Variants in RGS13 observed in about 807,000 individuals in gnomAD.
RGS13 encodes the protein regulator of G-protein signalling 13.
RGS13 carries 14 observed loss-of-function variants against 19.9 expected under a neutral mutation model. That is an observed-to-expected ratio of 0.70 (90% CI 0.46 to 1.10). The LOEUF (loss-of-function observed/expected upper bound fraction) is 1.10. RGS13 is among the 50% of genes least tolerant of loss of function. RGS13 has a pLI of 0.00. For synonymous variants in RGS13, 60 were observed against 56.8 expected (o/e 1.06, Z -0.25); for missense variants, 205 against 187.1 (o/e 1.10, Z -0.56).
At chr1:192,654,630 C>A (rs891393029) in intron 5 of RGS13, among the ~76,000 whole-genome samples, 1 of 151,978 alleles carries the variant, frequency 6.6e-6, no homozygotes, top group Non-Finnish European at 1.5e-5. Flanking sequence ...GGTACTGCAA[C>A]GTAGTGCACC....
intron 5 of RGS13, among the ~76,000 whole-genome samples, chr1:192,656,306 C>T (rs560574678): frequency 9.9e-5 from 15 of 151,544 alleles, no homozygotes; most frequent in Middle Eastern, 3.5e-3. Context: ...ATATTGGCTT[C>T]CAACTTTACT....
chr1:192,654,013 A>C (rs908039181), intron 5 of RGS13, among the ~76,000 whole-genome samples: 8 of 151,922 alleles, frequency 5.3e-5, no homozygotes, highest in Admixed American at 5.3e-4. Flanking sequence ...ATGACGAGTT[A>C]ATGGGTGCAG....
chr1:192,659,529 A>G lies in RGS13; in HGVS notation c.*6A>G, dbSNP rs773411915. The G allele has an allele frequency of 3.1e-6, 5 of 1,595,414 alleles. No individual in the cohort carries two copies. The highest frequency in any genetic ancestry group is 3.5e-5 in the Admixed American group (2 of 56,696). ...AGTCCAACAACAGTTTCTGACTACA[A>G]CTCAAAAGTTTAAATAGAAAACAGT... On this transcript the variant is annotated 3_prime_UTR_variant, in exon 7 of 7. Transcript: ENST00000391995.
chr1:192,647,925 G>C lies in RGS13; in HGVS notation c.66-1G>C, dbSNP rs1311502933. 1 of 1,586,668 alleles carries C rather than the reference G, an allele frequency of 6.3e-7. No individual in the cohort carries two copies. The highest frequency in any genetic ancestry group is 8.6e-7 in the Non-Finnish European group (1 of 1,165,486). ...TCAGTGCTTTTTGTTTCTTTTCAAA[G>C]CCTTACTTTGGAGGAAGTATTACAG... On this transcript the variant is annotated splice_acceptor_variant, in intron 4 of 6. Transcript: ENST00000391995. LOFTEE classifies it high-confidence loss of function.
chr1:192,658,194 C>T lies in RGS13; in HGVS notation c.128-7C>T, dbSNP rs1256650864. On this transcript the variant is annotated splice_polypyrimidine_tract_variant and splice_region_variant and intron_variant, in intron 5 of 6. Transcript: ENST00000391995. Reference sequence around the variant, plus strand: ...TGAAAATAAACTGATTTCTCCTCTACTTTTAGATGGTCCAGTAGTCTATGC... The same window carrying T: ...TGAAAATAAACTGATTTCTCCTCTATTTTTAGATGGTCCAGTAGTCTATGC... The T allele has an allele frequency of 6.3e-7, 1 of 1,591,432 alleles. No homozygotes were observed. The highest frequency in any genetic ancestry group is 1.1e-5 in the South Asian group (1 of 87,042).
At chr1:192,658,428 T>C in intron 6 of RGS13, 61 bp downstream of exon 6, 3 of 1,501,748 alleles carry the variant, frequency 2.0e-6, no homozygotes, top group Non-Finnish European at 2.7e-6. Flanking sequence ...CATTAATATC[T>C]GTCAAGCATC....
At chr1:192,643,035 A>AT (rs1263148232) in intron 3 of RGS13, among the ~76,000 whole-genome samples, 1 of 151,388 alleles carries the variant, frequency 6.6e-6, no homozygotes, top group Non-Finnish European at 1.5e-5. Flanking sequence ...AATTTTTTTT[A>AT]TTTTTTGTAG....
chr1:192,641,277 AG>A (rs1380081420), intron 3 of RGS13, among the ~76,000 whole-genome samples: 1 of 114,480 alleles, frequency 8.7e-6, no homozygotes, highest in South Asian at 3.1e-4. Flanking sequence ...AAAGAAAGAA[AG>A]AAAGAAAGAA....
At chr1:192,649,526 G>A (rs1663298904) in intron 5 of RGS13, among the ~76,000 whole-genome samples, 1 of 152,098 alleles carries the variant, frequency 6.6e-6, no homozygotes, top group African/African-American at 2.4e-5. Flanking sequence ...TCTTTTAATA[G>A]TAATAAAGTA....
chr1:192,640,229 G>A (rs1334189131), intron 3 of RGS13, among the ~76,000 whole-genome samples: 2 of 152,030 alleles, frequency 1.3e-5, no homozygotes, highest in African/African-American at 4.8e-5. Context: ...ACATTTTATA[G>A]GTGATCACAG....
chr1:192,643,760 G>A (rs569065860), intron 3 of RGS13, among the ~76,000 whole-genome samples: 2 of 152,198 alleles, frequency 1.3e-5, no homozygotes, highest in East Asian at 3.9e-4. Flanking sequence ...GACCAACCTG[G>A]GCAATGTGGT....
intron 5 of RGS13, among the ~76,000 whole-genome samples, chr1:192,652,507 C>G (rs191812451): frequency 3.9e-5 from 6 of 152,142 alleles, no homozygotes; most frequent in Admixed American, 2.0e-4. Context: ...TTCCACTTAG[C>G]ACTTTTTGTC....
chr1:192,642,450 TA>T (rs1277168907), intron 3 of RGS13, among the ~76,000 whole-genome samples: 1 of 151,426 alleles, frequency 6.6e-6, no homozygotes, highest in African/African-American at 2.4e-5. Context: ...GCCTCCTGAG[TA>T]TCTGGGACTA....
At chr1:192,648,105 C>A in intron 5 of RGS13, 118 bp downstream of exon 5, 1 of 564,972 alleles carries the variant, frequency 1.8e-6, no homozygotes, top group Non-Finnish European at 3.0e-6. Context: ...TAACTGGCAA[C>A]TGACACAGTT....
intron 3 of RGS13, among the ~76,000 whole-genome samples, chr1:192,639,943 A>G (rs1376934784): frequency 6.6e-6 from 1 of 152,200 alleles, no homozygotes; most frequent in African/African-American, 2.4e-5. Context: ...CATTAAATTT[A>G]TAAAAGAAAA....
At chr1:192,644,459 G>C in intron 4 of RGS13, 60 bp downstream of exon 4, 1 of 1,248,396 alleles carries the variant, frequency 8.0e-7, no homozygotes, top group Non-Finnish European at 1.2e-6. Context: ...TGATAAATAG[G>C]TACATATTTA....
chr1:192,645,221 A>T (rs1663194936), intron 4 of RGS13: 1 of 152,216 alleles, frequency 6.6e-6, no homozygotes, highest in African/African-American at 2.4e-5. Context: ...CTGCTAATTA[A>T]GGGACAGCTC....
intron 6 of RGS13, 54 bp downstream of exon 6, chr1:192,658,421 T>A (rs1037839206): frequency 7.9e-6 from 12 of 1,524,772 alleles, no homozygotes; most frequent in Non-Finnish European, 1.1e-5. Flanking sequence ...GCAAGGGCAT[T>A]AATATCTGTC....
intron 5 of RGS13, among the ~76,000 whole-genome samples, chr1:192,650,970 G>C (rs944886210): frequency 3.1e-4 from 47 of 151,978 alleles, no homozygotes; most frequent in African/African-American, 1.1e-3. Context: ...GGAAGACAAG[G>C]CTGGGGGTAA....
Sources: gnomAD v4.1 joint callset for allele counts (sites outside exome capture counted in the v4.1 genomes callset) on GRCh38, gnomAD v4.1.1 for gene constraint, MANE v1.5 for transcripts, NCBI Gene and HGNC (gene_info 2026-07-23, HGNC 2026-07-21) for gene names.